Variants in GUCY1A2 observed in about 807,000 individuals in gnomAD.
GUCY1A2 encodes the protein guanylate cyclase 1 soluble subunit alpha 2, also known as guanylate cyclase soluble subunit alpha-2.
Under a neutral mutation model 63.5 loss-of-function variants are expected in GUCY1A2, and 27 were observed. The observed-to-expected ratio is 0.43, with a 90% CI of 0.31 to 0.59. GUCY1A2 has a LOEUF of 0.59. Ranked by LOEUF, GUCY1A2 falls within the 20% of genes least tolerant of loss-of-function variation. The pLI is 0.11. For synonymous variants in GUCY1A2, 364 were observed against 343.5 expected (o/e 1.06, Z -0.66); for missense variants, 768 against 913.3 (o/e 0.84, Z 2.05).
intron 5 of GUCY1A2, among the ~76,000 whole-genome samples, chr11:106,800,510 T>C (rs566322746): frequency 2.8e-4 from 43 of 152,274 alleles, no homozygotes; most frequent in African/African-American, 7.9e-4. Flanking sequence ...AATGATAGAC[T>C]GGATTAAGAA....
At position 107,014,113 on chromosome 11, in the gene GUCY1A2, G is replaced by A. The variant is rs551922364; in HGVS notation, c.303+3640C>T. On this transcript the variant is annotated intron_variant, in intron 1 of 7. Transcript: ENST00000526355. ...TTTTTTTTTTTTTTTTTTTTGAGAC[G>A]GAGTCTCGCTCTGTCGCCAGGCTGG... Among the ~76,000 whole-genome samples the A allele has an allele frequency of 6.2e-4, 73 of 117,878 alleles. 1 individual carries two copies. The highest frequency in any genetic ancestry group is 7.4e-3 in the Middle Eastern group (1 of 136). The allele number at this position is 117,878 out of a possible 152,430, so 77.3% of individuals were successfully genotyped here. A position where few individuals can be genotyped will look rare whatever the true frequency, so the allele number is the denominator to read the frequency against.
chr11:107,000,063 A>G (rs1861592876), intron 1 of GUCY1A2, among the ~76,000 whole-genome samples: 6 of 152,230 alleles, frequency 3.9e-5, no homozygotes, highest in Admixed American at 3.9e-4. Context: ...GCCACCTGCA[A>G]TAAGCTGCTG....
At chr11:106,926,102 CATA>C (rs1384007781) in intron 4 of GUCY1A2, among the ~76,000 whole-genome samples, 1 of 152,026 alleles carries the variant, frequency 6.6e-6, no homozygotes, top group Non-Finnish European at 1.5e-5. Context: ...TTTTTATACA[CATA>C]ATAACAAAAA....
intron 1 of GUCY1A2, among the ~76,000 whole-genome samples, chr11:106,993,752 G>C (rs1861501195): frequency 6.6e-6 from 1 of 152,130 alleles, no homozygotes; most frequent in Non-Finnish European, 1.5e-5. Context: ...GTACAGCACT[G>C]CAAAGTTTAA....
At chr11:107,017,332 T>C (rs1031824443) in intron 1 of GUCY1A2, among the ~76,000 whole-genome samples, 3 of 151,908 alleles carry the variant, frequency 2.0e-5, no homozygotes, top group African/African-American at 4.8e-5. Flanking sequence ...CTGGAAGGGG[T>C]TGGGGCTCCT....
chr11:106,959,327 GA>G (rs1331997201), intron 3 of GUCY1A2, among the ~76,000 whole-genome samples: 1 of 152,114 alleles, frequency 6.6e-6, no homozygotes, highest in African/African-American at 2.4e-5. Context: ...TTGGTGAAAG[GA>G]TTATGCTCTC....
In GUCY1A2 at chr11:106,744,006, A is replaced by T. The variant is rs180968718; in HGVS notation, c.1836+32433T>A. On this transcript the variant is annotated intron_variant, in intron 6 of 7. Coordinates refer to ENST00000526355, the MANE Select transcript of GUCY1A2 (RefSeq NM_000855.3). ...TTAGATGAATCAAGTTCTAATTTAG[A>T]AACTAGCTCAGGAATGAACGACCAA... Among the ~76,000 whole-genome samples, 4 of 152,324 alleles carry T rather than the reference A, an allele frequency of 2.6e-5. No individual in the cohort carries two copies. The East Asian group carries it at 7.7e-4, about 29-fold the overall frequency.
chr11:106,780,581 G>A (rs1255000962), intron 5 of GUCY1A2, among the ~76,000 whole-genome samples: 1 of 152,114 alleles, frequency 6.6e-6, no homozygotes, highest in African/African-American at 2.4e-5. Flanking sequence ...TTGTACAGGA[G>A]CTCTTAAAGC....
intron 5 of GUCY1A2, among the ~76,000 whole-genome samples, chr11:106,801,621 C>T (rs1858605019): frequency 6.6e-6 from 1 of 152,108 alleles, no homozygotes; most frequent in African/African-American, 2.4e-5. Context: ...GCATCTGCAA[C>T]TTACTAAACT....
At chr11:106,976,518 G>A (rs1387798010) in intron 3 of GUCY1A2, among the ~76,000 whole-genome samples, 1 of 152,084 alleles carries the variant, frequency 6.6e-6, no homozygotes, top group Non-Finnish European at 1.5e-5. Context: ...GACCGCTAAC[G>A]CTGTCCTCAG....
At chr11:106,733,100 C>A (rs1863531472) in intron 6 of GUCY1A2, among the ~76,000 whole-genome samples, 1 of 152,130 alleles carries the variant, frequency 6.6e-6, no homozygotes, top group South Asian at 2.1e-4. Context: ...GTAACATAAA[C>A]CACCAAACAC....
In GUCY1A2 at chr11:106,682,132, G is replaced by A. The variant is rs529226380; in HGVS notation, c.*5417C>T. The A allele has an allele frequency of 5.3e-5, 11 of 208,916 alleles. No individual in the cohort carries two copies. In the South Asian group the frequency reaches 1.4e-3, roughly 27 times the overall value. The allele number at this position is 208,916 out of a possible 1,614,324, so 12.9% of individuals were successfully genotyped here. On this transcript the variant is annotated 3_prime_UTR_variant, in exon 8 of 8. Transcript: ENST00000526355. Reference sequence around the variant, plus strand: ...ATCCCTCATGCTTATCAGTGTTGACGTCTGTCTCTAAGTTTGAAGATTCAT... The same window carrying A: ...ATCCCTCATGCTTATCAGTGTTGACATCTGTCTCTAAGTTTGAAGATTCAT...
intron 6 of GUCY1A2, among the ~76,000 whole-genome samples, chr11:106,722,000 C>A (rs1444097303): frequency 6.6e-6 from 1 of 152,136 alleles, no homozygotes; most frequent in Admixed American, 6.5e-5. Flanking sequence ...ATCATCAACA[C>A]CCACTAGTGG....
intron 4 of GUCY1A2, among the ~76,000 whole-genome samples, chr11:106,834,892 G>A (rs1423245277): frequency 6.6e-6 from 1 of 151,900 alleles, no homozygotes; most frequent in Non-Finnish European, 1.5e-5. Context: ...CCCTGGAAGG[G>A]GCTAAATTTG....
intron 5 of GUCY1A2, among the ~76,000 whole-genome samples, chr11:106,796,968 T>A (rs1044206625): frequency 6.6e-6 from 1 of 152,100 alleles, no homozygotes; most frequent in Non-Finnish European, 1.5e-5. Flanking sequence ...GAGGCTTTGT[T>A]CATTTCTTTT....
At chr11:106,862,158 A>C (rs1256449511) in intron 4 of GUCY1A2, among the ~76,000 whole-genome samples, 1 of 152,032 alleles carries the variant, frequency 6.6e-6, no homozygotes, top group Non-Finnish European at 1.5e-5. Flanking sequence ...TCTTCACCAG[A>C]GTCTGTGTTA....
chr11:107,012,940 GT>G (rs1007365064), intron 1 of GUCY1A2, among the ~76,000 whole-genome samples: 3 of 150,842 alleles, frequency 2.0e-5, no homozygotes, highest in South Asian at 4.2e-4. Context: ...ACTTTCTAAG[GT>G]TTTTTTTCAA....
chr11:106,988,127 G>A (rs779688424), intron 1 of GUCY1A2, among the ~76,000 whole-genome samples: 1 of 152,158 alleles, frequency 6.6e-6, no homozygotes, highest in Non-Finnish European at 1.5e-5. Flanking sequence ...ATTCCTGAAC[G>A]AAGAGGCAAT....
rs191986725 is a variant in GUCY1A2 at position 106,822,680 on chromosome 11, A to T, written c.1207-12202T>A. Among the ~76,000 whole-genome samples the T allele has an allele frequency of 1.9e-3, 290 of 152,320 alleles. 1 individual carries two copies. The highest frequency in any genetic ancestry group is 2.6e-3 in the Non-Finnish European group (174 of 68,024). On this transcript the variant is annotated intron_variant, in intron 4 of 7. Transcript: ENST00000526355. ...TAGCCTCCAGCTGAACAATTTGAAT[A>T]AGTAATACAAATTCCAAGAGGTTTG...
Sources: gnomAD v4.1 joint callset for allele counts (sites outside exome capture counted in the v4.1 genomes callset) on GRCh38, gnomAD v4.1.1 for gene constraint, MANE v1.5 for transcripts, NCBI Gene and HGNC (gene_info 2026-07-23, HGNC 2026-07-21) for gene names.